Variants in A4GNT observed in about 807,000 individuals in gnomAD.
The protein encoded by A4GNT is alpha-1,4-N-acetylglucosaminyltransferase.
A neutral mutation model predicts 8.3 loss-of-function variants in A4GNT; 6 were observed. The ratio of observed to expected loss-of-function variants is 0.72; its 90% CI spans 0.39 to 1.42. The LOEUF is 1.42. Among genes scored for constraint, A4GNT ranks in the 40% most tolerant of loss-of-function variants. The pLI is 0.02. For missense variants in A4GNT, 377 were observed against 417.0 expected (o/e 0.90, Z 0.84); for synonymous variants, 157 against 159.8 (o/e 0.98, Z 0.13).
rs2042771073 is a variant in A4GNT, at chr3:138,130,763, C to T, written c.408+86G>A. The T allele has an allele frequency of 9.6e-6, 14 of 1,458,722 alleles. 1 individual carries two copies. In the South Asian group the frequency reaches 1.6e-4, roughly 17 times the overall value. The allele number at this position is 1,458,722 out of a possible 1,614,324, so 90.4% of individuals were successfully genotyped here. Reference sequence around the variant, plus strand: ...ATGAGAGTCAACCCAAATGTGGGTTCTATTCCCATCTCCGACCTGAGTCCT... The same window carrying T: ...ATGAGAGTCAACCCAAATGTGGGTTTTATTCCCATCTCCGACCTGAGTCCT... On this transcript the variant is annotated intron_variant, in intron 2 of 2. Coordinates refer to ENST00000236709, the MANE Select transcript of A4GNT (RefSeq NM_016161.3).
intron 2 of A4GNT, among the ~76,000 whole-genome samples, chr3:138,128,566 A>C (rs2107886669): frequency 6.6e-6 from 1 of 152,116 alleles, no homozygotes. Context: ...TGAGTGATCC[A>C]CCCCCATGAC....
chr3:138,124,043 G>A lies in A4GNT; in HGVS notation c.*221C>T, dbSNP rs541364215. On this transcript the variant is annotated 3_prime_UTR_variant, in exon 3 of 3. Transcript: ENST00000236709. Reference sequence around the variant, plus strand: ...TCCTACTGCCTGAAATGCAAACATGGTGGGTTGGAGGTCAAGCAGTCAAAT... The same window carrying A: ...TCCTACTGCCTGAAATGCAAACATGATGGGTTGGAGGTCAAGCAGTCAAAT... The A allele has an allele frequency of 1.8e-6, 1 of 541,044 alleles. No homozygotes were observed. The highest frequency in any genetic ancestry group is 3.1e-6 in the Non-Finnish European group (1 of 318,774). 33.5% of individuals were successfully genotyped at this position (541,044 alleles called of 1,614,324 possible).
At position 138,124,896 on chromosome 3, in the gene A4GNT, A is replaced by G. The variant is rs1270943007; in HGVS notation, c.409-18T>C. On this transcript the variant is annotated intron_variant, in intron 2 of 2. Transcript: ENST00000236709. ...GCGTTGATCTGCAGGAGCAGGTGCA[A>G]ATCAGCCCCAAGTAGCCAGGGGAAG... 5 of 1,601,558 alleles carry G rather than the reference A, an allele frequency of 3.1e-6. No individual in the cohort carries two copies. The highest frequency in any genetic ancestry group is 1.3e-5 in the African/African-American group (1 of 74,600).
rs2042730677 is a variant in A4GNT, at chr3:138,124,220, A to C, written c.*44T>G. The C allele has an allele frequency of 2.5e-6, 4 of 1,572,880 alleles. No homozygotes were observed. The highest frequency in any genetic ancestry group is 3.5e-6 in the Non-Finnish European group (4 of 1,157,470). ...CAAGTGAAAATGTGGCACTCCAGGA[A>C]ATGTCCATTTCCACACTGCAGCAGC... is the stretch of plus-strand genomic sequence containing the variant. On this transcript the variant is annotated 3_prime_UTR_variant, in exon 3 of 3. Transcript: ENST00000236709.
chr3:138,124,810 C>G lies in A4GNT; in HGVS notation c.477G>C (p.Trp159Cys), dbSNP rs752800995. The change falls in exon 3 of 3, where the codon TGG becomes TGC. Residue 159 changes from tryptophan (W) to cysteine (C), a missense_variant. Trp to Cys is a radical substitution (Grantham distance 215). Transcript: ENST00000236709. ...SSDASRLAIIWKYGGIYMDTD... is the reference protein window; with the variant it reads ...SSDASRLAIICKYGGIYMDTD... ...TGTCCATGTAGATGCCACCGTATTT[C>G]CAGATGATGGCCAGGCGGGATGCAT... 4 of 1,613,902 alleles carry G rather than the reference C, an allele frequency of 2.5e-6. No homozygotes were observed. Among genetic ancestry groups the G allele is most frequent in the East Asian group, 2.2e-5 (1 of 44,888 alleles).
rs2042733686 is a variant in A4GNT, at chr3:138,124,580, C to T, written c.707G>A (p.Cys236Tyr). The change falls in exon 3 of 3, where the codon TGT becomes TAT. Residue 236 changes from cysteine (C) to tyrosine (Y), a missense_variant. Coordinates refer to ENST00000236709, the MANE Select transcript of A4GNT (RefSeq NM_016161.3). ...CACCTCCTGGAAGTCTTCAAGTTTACACCATACCCTCAACATCCTTGTCAT... is the reference window on the plus strand; with the variant it reads ...CACCTCCTGGAAGTCTTCAAGTTTATACCATACCCTCAACATCCTTGTCAT... ...ELMTRMLRVW[C>Y]KLEDFQEVSD... is the part of the protein sequence containing the mutation. 1 of 1,614,132 alleles carries T rather than the reference C, an allele frequency of 6.2e-7. No individual in the cohort carries two copies. Among genetic ancestry groups the T allele is most frequent in the Non-Finnish European group, 8.5e-7 (1 of 1,180,058 alleles).
At chr3:138,126,681 C>T (rs1291297608) in intron 2 of A4GNT, among the ~76,000 whole-genome samples, 1 of 148,452 alleles carries the variant, frequency 6.7e-6, no homozygotes, top group Non-Finnish European at 1.5e-5. Flanking sequence ...CAAAAATTAG[C>T]CAGGCGTGGT....
chr3:138,132,617 G>A (rs968464698), upstream of A4GNT, among the ~76,000 whole-genome samples: 4 of 152,134 alleles, frequency 2.6e-5, no homozygotes, highest in Non-Finnish European at 5.9e-5. Flanking sequence ...TCTATTATGG[G>A]GGTTATAAAG....
chr3:138,131,220 A>T lies in A4GNT; in HGVS notation c.37T>A (p.Leu13Met), dbSNP rs2042775503. The T allele has an allele frequency of 6.2e-7, 1 of 1,602,704 alleles. No homozygotes were observed. Among genetic ancestry groups the T allele is most frequent in the Non-Finnish European group, 8.5e-7 (1 of 1,170,592 alleles). Residue 13 changes from leucine (L) to methionine (M), a missense_variant, in exon 2 of 3, where the codon TTG becomes ATG. Leu to Met is a conservative substitution (Grantham distance 15). Transcript: ENST00000236709. ...TAGAGGAAGCCACAGACAAGCAGCA[A>T]GGTGACTGACAGGGAGAGCTGGAGC... is the stretch of plus-strand genomic sequence containing the variant. ...KELQLSLSVT[L>M]LLVCGFLYQF...
intron 2 of A4GNT, among the ~76,000 whole-genome samples, chr3:138,129,949 G>A (rs2042766416): frequency 6.6e-6 from 1 of 152,126 alleles, no homozygotes; most frequent in Admixed American, 6.5e-5. Context: ...TTATTTTTAT[G>A]TCAATGTTTA....
Position 138,131,245 on chromosome 3 carries a change from C to T in A4GNT, c.12G>A (p.Glu4=). 6.3e-7 allele frequency: 1 copy of T among 1,589,720 alleles called. No individual in the cohort carries two copies. Among genetic ancestry groups the T allele is most frequent in the Non-Finnish European group, 8.6e-7 (1 of 1,161,780 alleles). ...AGGTGACTGACAGGGAGAGCTGGAGCTCCTTCCGCATGTCCTCTTCTCTGT... is the reference window on the plus strand; with the variant it reads ...AGGTGACTGACAGGGAGAGCTGGAGTTCCTTCCGCATGTCCTCTTCTCTGT... The part of the protein sequence containing the change: MRK[E]LQLSLSVTLL... The change falls in exon 2 of 3, where the codon GAG becomes GAA. Residue 4 remains glutamate, a synonymous_variant. Coordinates refer to ENST00000236709, the MANE Select transcript of A4GNT (RefSeq NM_016161.3).
rs1261176900 is a variant in A4GNT, at chr3:138,131,080, C to A, written c.177G>T (p.Glu59Asp). Residue 59 changes from glutamate to aspartate, a missense_variant, in exon 2 of 3, where the codon GAG becomes GAT. By Grantham distance (45) the Glu-to-Asp change is conservative. Coordinates refer to ENST00000236709, the MANE Select transcript of A4GNT (RefSeq NM_016161.3). ...RRGIVFLETSERMEPPHLVSC... is the reference protein window; with the variant it reads ...RRGIVFLETSDRMEPPHLVSC... ...AGACCAAATGGGGTGGCTCCATTCT[C>A]TCTGAGGTCTCTAGAAACACAATGC... is the stretch of plus-strand genomic sequence containing the variant. The A allele has an allele frequency of 6.2e-7, 1 of 1,613,500 alleles. No individual in the cohort carries two copies. The highest frequency in any genetic ancestry group is 2.2e-5 in the East Asian group (1 of 44,866).
At chr3:138,127,118 CA>C (rs898641661) in intron 2 of A4GNT, among the ~76,000 whole-genome samples, 845 of 34,032 alleles carry the variant, frequency 0.025, 2 homozygotes, top group African/African-American at 0.05. Context: ...GACTCCATCT[CA>C]AAAAAAAAAA....
chr3:138,126,422 A>G (rs1330356289), intron 2 of A4GNT, among the ~76,000 whole-genome samples: 1 of 150,286 alleles, frequency 6.7e-6, no homozygotes, highest in Non-Finnish European at 1.5e-5. Flanking sequence ...TAAAAGGTTA[A>G]ACAACCACCC....
rs2042728031 is a variant in A4GNT at position 138,123,743 on chromosome 3, G to A, written c.*521C>T. On this transcript the variant is annotated 3_prime_UTR_variant, in exon 3 of 3. Transcript: ENST00000236709. ...CTCAGTTAATATTTATTGACTGAAT[G>A]CATTAATGAATGTCAAAATCAGGAC... The A allele has an allele frequency of 6.5e-6, 1 of 153,254 alleles. No individual in the cohort carries two copies. Among genetic ancestry groups the A allele is most frequent in the African/African-American group, 2.4e-5 (1 of 41,424 alleles). The allele number at this position is 153,254 out of a possible 1,614,324, so 9.5% of individuals were successfully genotyped here.
rs985187159 is a variant in A4GNT, at chr3:138,124,083, T to C, written c.*181A>G. 1 of 772,648 alleles carries C rather than the reference T, an allele frequency of 1.3e-6. No individual in the cohort carries two copies. Among genetic ancestry groups the C allele is most frequent in the Non-Finnish European group, 2.0e-6 (1 of 503,220 alleles). 47.9% of individuals were successfully genotyped at this position (772,648 alleles called of 1,614,324 possible). A position where few individuals can be genotyped will look rare whatever the true frequency, so the allele number is the denominator to read the frequency against. ...AGCAGTCAAATGGACCATGGGTGTA[T>C]GTTTTATAGCCAGTATCATTTGGGA... is the stretch of plus-strand genomic sequence containing the variant. On this transcript the variant is annotated 3_prime_UTR_variant, in exon 3 of 3. Transcript: ENST00000236709.
In A4GNT at chr3:138,131,093, A is replaced by G. The variant is rs2042773864; in HGVS notation, c.164T>C (p.Leu55Pro). ...LLSHRRGIVF[L>P]ETSERMEPPH... is the part of the protein sequence containing the mutation. Reference sequence around the variant, plus strand: ...TGGCTCCATTCTCTCTGAGGTCTCTAGAAACACAATGCCACGTCTGTGGCT... The same window carrying G: ...TGGCTCCATTCTCTCTGAGGTCTCTGGAAACACAATGCCACGTCTGTGGCT... The change falls in exon 2 of 3, where the codon CTA becomes CCA. Residue 55 changes from leucine to proline, a missense_variant. Leu to Pro is a moderately conservative substitution (Grantham distance 98). Coordinates refer to ENST00000236709, the MANE Select transcript of A4GNT (RefSeq NM_016161.3). 6.2e-7 allele frequency: 1 copy of G among 1,613,650 alleles called. No individual in the cohort carries two copies. Among genetic ancestry groups the G allele is most frequent in the Non-Finnish European group, 8.5e-7 (1 of 1,179,656 alleles).
intron 2 of A4GNT, among the ~76,000 whole-genome samples, chr3:138,125,602 C>T (rs1390431149): frequency 6.6e-6 from 1 of 152,116 alleles, no homozygotes; most frequent in Non-Finnish European, 1.5e-5. Context: ...TACGTTAGTT[C>T]CCCCAGAAAC....
Position 138,131,191 on chromosome 3 carries a change from C to T in A4GNT, c.66G>A (p.Gln22=), listed in dbSNP as rs1327726208. The change falls in exon 2 of 3, where the codon CAG becomes CAA. Residue 22 remains glutamine, a synonymous_variant. Coordinates refer to ENST00000236709, the MANE Select transcript of A4GNT (RefSeq NM_016161.3). ...AGAGGCAGCTGGACTTCAGGGTGAA[C>T]TGGTAGAGGAAGCCACAGACAAGCA... ...TLLLVCGFLY[Q]FTLKSSCLFC... is the part of the protein sequence containing the mutation. 3 of 1,611,588 alleles carry T rather than the reference C, an allele frequency of 1.9e-6. No homozygotes were observed. The African/African-American group carries it at 4.0e-5, about 22-fold the overall frequency.
Sources: allele counts gnomAD v4.1 joint callset (sites outside exome capture counted in the v4.1 genomes callset), GRCh38; gene constraint gnomAD v4.1.1; transcripts MANE v1.5; gene names NCBI Gene and HGNC (gene_info 2026-07-23, HGNC 2026-07-21).